The following YARS1 variants were observed in gnomAD, a reference collection of about 807,000 sequenced individuals.
YARS1 encodes tyrosine--tRNA ligase, cytoplasmic.
Under a neutral mutation model 62.2 loss-of-function variants are expected in YARS1, and 36 were observed. The observed-to-expected ratio is 0.58, with a 90% CI of 0.44 to 0.76. The LOEUF is 0.76. Ranked by LOEUF, YARS1 falls within the 30% of genes least tolerant of loss-of-function variation. The probability of loss-of-function intolerance (pLI) is 0.00; values close to 1 mark genes in which losing one functional copy is unlikely to be tolerated. For synonymous variants in YARS1, 234 were observed against 244.9 expected, an observed-to-expected ratio of 0.96 and a Z score of 0.42; for missense variants, 524 against 639.8, an observed-to-expected ratio of 0.82 and a Z score of 1.95.
chr1:32,798,608 G>A (rs985220894), intron 4 of YARS1, among the ~76,000 whole-genome samples: 9 of 152,124 alleles, frequency 5.9e-5, no homozygotes, highest in African/African-American at 1.2e-4. Context: ...AGGCTGAGGT[G>A]GAAAGATCAC....
chr1:32,778,704 G>C (rs1652952732), intron 12 of YARS1, among the ~76,000 whole-genome samples: 1 of 146,648 alleles, frequency 6.8e-6, no homozygotes, highest in Non-Finnish European at 1.5e-5. Context: ...ACCACGCCCG[G>C]CCAATCCTGG....
rs1638467264 is a variant in YARS1, at chr1:32,806,390, G to A, written c.510+92C>T. On this transcript the variant is annotated intron_variant, in intron 4 of 12. Coordinates refer to ENST00000373477, the MANE Select transcript of YARS1 (RefSeq NM_003680.4). ...TCAATTTGTAAAAAACACAATATCT[G>A]CGTAGTGCAGTAAAGCAAAGTGCAA... is the stretch of plus-strand genomic sequence containing the variant. The A allele has an allele frequency of 1.9e-5, 31 of 1,598,112 alleles. No homozygotes were observed. The South Asian group carries it at 3.2e-4, about 17-fold the overall frequency.
At chr1:32,777,032 A>ATTTT (rs34834736) in intron 12 of YARS1, among the ~76,000 whole-genome samples, 1 of 143,696 alleles carries the variant, frequency 7.0e-6, no homozygotes, top group Non-Finnish European at 1.5e-5. Flanking sequence ...CAACCCCTCA[A>ATTTT]TTTTTTTTTT....
At chr1:32,790,979 T>C (rs1487680107) in intron 6 of YARS1, 183 bp downstream of exon 6, 2 of 629,978 alleles carry the variant, frequency 3.2e-6, no homozygotes, top group Non-Finnish European at 5.6e-6. Context: ...TATGATTAGA[T>C]CTCATCAGGA....
intron 10 of YARS1, chr1:32,780,796 T>G: frequency 1.8e-6 from 1 of 546,882 alleles, no homozygotes; most frequent in South Asian, 1.9e-5. Flanking sequence ...CAGACCAGAT[T>G]TAACAGATAA....
chr1:32,780,307 G>A, intron 10 of YARS1, 29 bp from the exon 11 acceptor site: 1 of 1,612,682 alleles, frequency 6.2e-7, no homozygotes, highest in Non-Finnish European at 8.5e-7. Flanking sequence ...AGGAGGAAGA[G>A]GATCATCGTC....
chr1:32,781,313 T>C, intron 9 of YARS1, 168 bp from the exon 10 acceptor site: 3 of 663,762 alleles, frequency 4.5e-6, no homozygotes, highest in Non-Finnish European at 8.2e-6. Context: ...CTTTCAGACA[T>C]GACATACCTG....
chr1:32,799,543 A>G (rs1293425042), intron 4 of YARS1, among the ~76,000 whole-genome samples: 1 of 152,186 alleles, frequency 6.6e-6, no homozygotes, highest in South Asian at 2.1e-4. Flanking sequence ...AGTAGAATCG[A>G]TAAGATTTAG....
At chr1:32,788,954 A>AGC (rs1477031154) in intron 6 of YARS1, among the ~76,000 whole-genome samples, 1 of 152,118 alleles carries the variant, frequency 6.6e-6, no homozygotes, top group Non-Finnish European at 1.5e-5. Context: ...CCTCCCATGT[A>AGC]GCTGGAACTA....
At chr1:32,789,507 A>C (rs571660717) in intron 6 of YARS1, among the ~76,000 whole-genome samples, 47 of 152,184 alleles carry the variant, frequency 3.1e-4, no homozygotes, top group African/African-American at 1.1e-3. Context: ...ATTCTAGCTC[A>C]CATGTGACAG....
At chr1:32,804,703 CCCAGA>C (rs1161908293) in intron 4 of YARS1, among the ~76,000 whole-genome samples, 1 of 152,018 alleles carries the variant, frequency 6.6e-6, no homozygotes, top group Non-Finnish European at 1.5e-5. Context: ...CTCCTCACTT[CCCAGA>C]CGTGATGGCG....
chr1:32,795,170 T>C (rs1653541197), intron 5 of YARS1, among the ~76,000 whole-genome samples: 1 of 148,428 alleles, frequency 6.7e-6, no homozygotes, highest in African/African-American at 2.5e-5. Flanking sequence ...ATACAAAAAA[T>C]TAGCAGGGTG....
At chr1:32,799,487 G>T (rs941822656) in intron 4 of YARS1, among the ~76,000 whole-genome samples, 1 of 152,138 alleles carries the variant, frequency 6.6e-6, no homozygotes. Flanking sequence ...ATGGACAAAA[G>T]ACAATGAGGA....
intron 8 of YARS1, among the ~76,000 whole-genome samples, chr1:32,785,274 A>C (rs1653183534): frequency 2.6e-5 from 4 of 152,166 alleles, no homozygotes; most frequent in Admixed American, 2.6e-4. Context: ...AGCCTGGCCA[A>C]CATGGTGAAA....
chr1:32,817,126 C>A (rs941505746), intron 1 of YARS1, 62 bp downstream of exon 1: 86 of 1,605,928 alleles, frequency 5.4e-5, no homozygotes, highest in Non-Finnish European at 6.4e-5. Flanking sequence ...TAATGGGGCT[C>A]AAAATCACTG....
At chr1:32,782,162 T>C (rs1653081321) in intron 9 of YARS1, 1 of 588,762 alleles carries the variant, frequency 1.7e-6, no homozygotes, top group South Asian at 2.0e-5. Flanking sequence ...AGGACCAAAG[T>C]ATACATCTTA....
rs116535916 is a variant in YARS1, at chr1:32,813,600, G to T, written c.58-2543C>A. 4.7e-3 allele frequency among the ~76,000 whole-genome samples: 710 copies of T among 152,168 alleles called. 7 individuals are homozygous for T. Among genetic ancestry groups the T allele is most frequent in the African/African-American group, 0.016 (648 of 41,498 alleles). On this transcript the variant is annotated intron_variant, in intron 1 of 12. Coordinates refer to ENST00000373477, the MANE Select transcript of YARS1 (RefSeq NM_003680.4). ...CTCCCAAAGGGCTGGGATTATAGGT[G>T]TGGGCCACCACACCTGGCCTCAGAT...
At chr1:32,811,491 T>G in intron 1 of YARS1, 1 of 284,106 alleles carries the variant, frequency 3.5e-6, no homozygotes, top group Non-Finnish European at 6.9e-6. Flanking sequence ...TCCGCGTCTA[T>G]CACCTTGTGA....
At chr1:32,798,639 A>G (rs1407441315) in intron 4 of YARS1, among the ~76,000 whole-genome samples, 1 of 152,054 alleles carries the variant, frequency 6.6e-6, no homozygotes, top group Non-Finnish European at 1.5e-5. Flanking sequence ...GTGTCTCTCC[A>G]AAAATAAAAA....
Sources: gnomAD v4.1 joint callset for allele counts (sites outside exome capture counted in the v4.1 genomes callset) on GRCh38, gnomAD v4.1.1 for gene constraint, MANE v1.5 for transcripts, NCBI Gene and HGNC (gene_info 2026-07-23, HGNC 2026-07-21) for gene names.